Variants in LRP1B observed in about 807,000 individuals in gnomAD.
LRP1B encodes LDL receptor related protein 1B, also known as low-density lipoprotein receptor-related protein 1B.
LRP1B carries 217 observed loss-of-function variants against 556.6 expected under a neutral mutation model. The ratio of observed to expected loss-of-function variants is 0.39; its 90% CI spans 0.35 to 0.44. The LOEUF (loss-of-function observed/expected upper bound fraction) is 0.44, where lower values mean the gene tolerates loss of function less well. Among genes scored for constraint, LRP1B ranks in the 20% least tolerant of loss-of-function variants. The probability of loss-of-function intolerance (pLI) is 1.00; values close to 1 mark genes in which losing one functional copy is unlikely to be tolerated. For synonymous variants in LRP1B, 2,047 were observed against 1,865.8 expected, an observed-to-expected ratio of 1.10 and a Z score of -2.50; for missense variants, 5,053 against 5,620.8, an observed-to-expected ratio of 0.90 and a Z score of 3.23.
intron 1 of LRP1B, among the ~76,000 whole-genome samples, chr2:141,895,858 C>T (rs1699435734): frequency 6.6e-6 from 1 of 152,056 alleles, no homozygotes; most frequent in Non-Finnish European, 1.5e-5. Flanking sequence ...CTGTGCCCTC[C>T]AACCTCTTCA....
intron 82 of LRP1B, 128 bp downstream of exon 82, chr2:140,321,835 T>A: frequency 1.2e-6 from 1 of 866,406 alleles, no homozygotes; most frequent in Admixed American, 2.5e-5. Context: ...TACACAGGCA[T>A]TCAAGAACCA....
chr2:140,622,477 T>C (rs1683490281), intron 41 of LRP1B, among the ~76,000 whole-genome samples: 1 of 152,186 alleles, frequency 6.6e-6, no homozygotes, highest in Non-Finnish European at 1.5e-5. Context: ...TTGCTTCCTG[T>C]CAGTCGGTTT....
rs574270541 is a variant in LRP1B, at chr2:140,461,907, T to G, written c.9626-4256A>C. On this transcript the variant is annotated intron_variant, in intron 60 of 90. Transcript: ENST00000389484. Reference sequence around the variant, plus strand: ...CAAAAGTAAAAAATAGGATATAGAATGCAATCACCAAATTCTGCTATTACT... The same window carrying G: ...CAAAAGTAAAAAATAGGATATAGAAGGCAATCACCAAATTCTGCTATTACT... Among the ~76,000 whole-genome samples, 5 of 152,290 alleles carry G rather than the reference T, an allele frequency of 3.3e-5. No homozygotes were observed. The East Asian group carries it at 9.6e-4, about 29-fold the overall frequency.
rs72977962 is a variant in LRP1B, at chr2:140,609,390, G to A, written c.6800-7751C>T. Among the ~76,000 whole-genome samples, 510 of 152,050 alleles carry A rather than the reference G, an allele frequency of 3.4e-3. 3 individuals are homozygous for A. Among genetic ancestry groups the A allele is most frequent in the African/African-American group, 0.011 (469 of 41,486 alleles). On this transcript the variant is annotated intron_variant, in intron 41 of 90. Coordinates refer to ENST00000389484, the MANE Select transcript of LRP1B (RefSeq NM_018557.3). Reference sequence around the variant, plus strand: ...TCCTTTTCCCCTCTCTCTCTTATGTGAAACTTCTATTCCCATGGCATTAAA... The same window carrying A: ...TCCTTTTCCCCTCTCTCTCTTATGTAAAACTTCTATTCCCATGGCATTAAA...
chr2:141,166,708 ATTG>A (rs1680280796), intron 7 of LRP1B, among the ~76,000 whole-genome samples: 1 of 149,378 alleles, frequency 6.7e-6, no homozygotes, highest in East Asian at 1.9e-4. Context: ...ACGATAACAT[ATTG>A]TTTATATTCA....
At chr2:140,928,156 T>C (rs980570849) in intron 20 of LRP1B, among the ~76,000 whole-genome samples, 3 of 152,038 alleles carry the variant, frequency 2.0e-5, no homozygotes, top group Admixed American at 6.6e-5. Context: ...AGAGACTTAT[T>C]CTCATAAAAC....
chr2:140,386,061 C>A, intron 66 of LRP1B, 52 bp from the exon 67 acceptor site: 1 of 1,102,990 alleles, frequency 9.1e-7, no homozygotes, highest in South Asian at 1.3e-5. Context: ...GAAGACATCC[C>A]TCACAACGTC....
Position 140,902,947 on chromosome 2 carries a change from C to T in LRP1B, c.3739G>A (p.Val1247Ile), listed in dbSNP as rs2105222532. 1.2e-6 allele frequency: 2 copies of T among 1,613,610 alleles called. No homozygotes were observed. The highest frequency in any genetic ancestry group is 1.7e-4 in the Middle Eastern group (1 of 6,052). The part of the protein sequence containing the change: ...CSCYEGWKLD[V>I]DGESCTSVDP... ...ACACTTGTACAACTTTCACCGTCTA[C>T]ATCCAGCTTCCAACCTTCATAACAT... Residue 1247 changes from valine (V) to isoleucine (I), a missense_variant, in exon 23 of 91, where the codon GTA becomes ATA. Coordinates refer to ENST00000389484, the MANE Select transcript of LRP1B (RefSeq NM_018557.3).
chr2:140,764,936 A>C, intron 35 of LRP1B, among the ~76,000 whole-genome samples: 1 of 152,160 alleles, frequency 6.6e-6, no homozygotes, highest in South Asian at 2.1e-4. Context: ...AAATAATAAA[A>C]TATTTCCTCT....
At chr2:141,453,648 C>T (rs963183382) in intron 3 of LRP1B, among the ~76,000 whole-genome samples, 2 of 152,072 alleles carry the variant, frequency 1.3e-5, no homozygotes, top group East Asian at 1.9e-4. Context: ...CTGGGCTCAG[C>T]GGCCCACACC....
rs374205161 is a variant in LRP1B at position 142,101,388 on chromosome 2, A to C, written c.82+29260T>G. Among the ~76,000 whole-genome samples the C allele has an allele frequency of 7.9e-5, 12 of 152,164 alleles. 1 individual carries two copies. In the East Asian group the frequency reaches 1.4e-3, roughly 17 times the overall value. On this transcript the variant is annotated intron_variant, in intron 1 of 90. Coordinates refer to ENST00000389484, the MANE Select transcript of LRP1B (RefSeq NM_018557.3). ...CACACTCACACTTAATAAAAATGGAATATAAGACATGTTAGTATGTCTATC... is the reference window on the plus strand; with the variant it reads ...CACACTCACACTTAATAAAAATGGACTATAAGACATGTTAGTATGTCTATC...
chr2:141,786,297 T>A (rs1695428903), intron 2 of LRP1B, among the ~76,000 whole-genome samples: 1 of 151,970 alleles, frequency 6.6e-6, no homozygotes. Context: ...TATTTGAGTA[T>A]CCTCAACTGT....
chr2:142,000,655 A>T (rs764361048), intron 1 of LRP1B, among the ~76,000 whole-genome samples: 3 of 152,188 alleles, frequency 2.0e-5, no homozygotes, highest in Non-Finnish European at 4.4e-5. Context: ...TAACAATAGT[A>T]TCTAAACACA....
At chr2:140,872,051 G>GTT (rs70991111) in intron 25 of LRP1B, among the ~76,000 whole-genome samples, 20,283 of 123,780 alleles carry the variant, frequency 0.16, 1,831 homozygotes, top group African/African-American at 0.18. Flanking sequence ...AGTCCTTCAT[G>GTT]TTTTTTTTTT....
chr2:140,238,749 T>C (rs1680821293), intron 88 of LRP1B, among the ~76,000 whole-genome samples: 1 of 150,856 alleles, frequency 6.6e-6, no homozygotes, highest in Non-Finnish European at 1.5e-5. Context: ...TGCATAGTGT[T>C]GAAGCCTGGG....
chr2:140,957,061 T>C, intron 18 of LRP1B, among the ~76,000 whole-genome samples: 1 of 151,686 alleles, frequency 6.6e-6, no homozygotes, highest in Non-Finnish European at 1.5e-5. Flanking sequence ...TACAATCTAC[T>C]AGGGAAGACA....
chr2:140,338,903 C>T (rs1681235908), intron 77 of LRP1B, among the ~76,000 whole-genome samples: 1 of 151,800 alleles, frequency 6.6e-6, no homozygotes, highest in African/African-American at 2.4e-5. Context: ...ACTAGACAGG[C>T]ACACCCATGA....
intron 2 of LRP1B, among the ~76,000 whole-genome samples, chr2:141,696,290 AAT>A (rs1208178480): frequency 1.3e-5 from 2 of 151,998 alleles, no homozygotes; most frequent in East Asian, 3.9e-4. Context: ...TTAAAATACA[AAT>A]ATAAATGACC....
intron 12 of LRP1B, among the ~76,000 whole-genome samples, chr2:141,016,555 G>A (rs1267706414): frequency 6.6e-6 from 1 of 152,018 alleles, no homozygotes; most frequent in African/African-American, 2.4e-5. Flanking sequence ...CGTAAGTTTA[G>A]TAATAGCAAG....
Sources: allele counts gnomAD v4.1 joint callset (sites outside exome capture counted in the v4.1 genomes callset), GRCh38; gene constraint gnomAD v4.1.1; transcripts MANE v1.5; gene names NCBI Gene and HGNC (gene_info 2026-07-23, HGNC 2026-07-21).